Variants in SI observed in about 807,000 individuals in gnomAD.
SI encodes sucrase-isomaltase, intestinal.
SI carries 235 observed loss-of-function variants against 253.3 expected under a neutral mutation model. The observed-to-expected ratio is 0.93, with a 90% confidence interval of 0.83 to 1.03. SI has a LOEUF of 1.03. Ranked by LOEUF, SI falls within the 50% of genes least tolerant of loss-of-function variation. SI has a pLI of 0.00. For synonymous variants in SI, 819 were observed against 712.0 expected (o/e 1.15, Z -2.39); for missense variants, 2,442 against 2,211.1 (o/e 1.10, Z -2.09).
At chr3:164,991,059 G>T (rs981304567) in intron 44 of SI, among the ~76,000 whole-genome samples, 8 of 152,012 alleles carry the variant, frequency 5.3e-5, no homozygotes, top group African/African-American at 1.9e-4. Context: ...CTAAACCTGG[G>T]GTTCCTTATT....
chr3:165,069,287 A>C, intron 3 of SI, 92 bp from the exon 4 acceptor site: 1 of 914,724 alleles, frequency 1.1e-6, no homozygotes, highest in Non-Finnish European at 1.8e-6. Context: ...TTTTAAAATA[A>C]TCTAACTTTT....
At chr3:165,048,909 A>C (rs1464924691) in intron 15 of SI, among the ~76,000 whole-genome samples, 1 of 151,892 alleles carries the variant, frequency 6.6e-6, no homozygotes, top group East Asian at 1.9e-4. Context: ...GAGCCACTGC[A>C]CCCAGCCTAC....
chr3:165,078,694 T>C (rs1213866400), upstream of SI, among the ~76,000 whole-genome samples: 1 of 151,658 alleles, frequency 6.6e-6, no homozygotes, highest in African/African-American at 2.4e-5. Flanking sequence ...CTCTTTGATT[T>C]CTCAAAGCTG....
At chr3:165,073,761 A>G (rs1428322548) in intron 3 of SI, among the ~76,000 whole-genome samples, 10 of 152,176 alleles carry the variant, frequency 6.6e-5, no homozygotes, top group African/African-American at 4.8e-5. Context: ...AAAAAACAAT[A>G]CATTATAACA....
At chr3:165,007,114 A>G (rs1442386838) in intron 36 of SI, among the ~76,000 whole-genome samples, 160 bp from the exon 37 acceptor site, 2 of 152,172 alleles carry the variant, frequency 1.3e-5, no homozygotes, top group Non-Finnish European at 2.9e-5. Flanking sequence ...GTTAATTATC[A>G]ACTTAAAATG....
chr3:164,980,807 G>A (rs1333304836), intron 47 of SI, among the ~76,000 whole-genome samples: 1 of 151,812 alleles, frequency 6.6e-6, no homozygotes, highest in African/African-American at 2.4e-5. Context: ...TATCTTATTT[G>A]GCATTGTTTA....
chr3:165,067,628 C>T (rs1714316006), intron 5 of SI, 137 bp from the exon 6 acceptor site: 1 of 728,842 alleles, frequency 1.4e-6, no homozygotes, highest in Non-Finnish European at 2.3e-6. Context: ...AATTCAGAAC[C>T]TTAATTTTAA....
At chr3:165,081,257 T>A (rs1715311956), upstream of SI, among the ~76,000 whole-genome samples, 1 of 151,920 alleles carries the variant, frequency 6.6e-6, no homozygotes, top group African/African-American at 2.4e-5. Context: ...TAATATAAAG[T>A]TGTCCAAAAA....
At chr3:165,071,923 T>G in intron 3 of SI, among the ~76,000 whole-genome samples, 1 of 152,174 alleles carries the variant, frequency 6.6e-6, no homozygotes, top group Admixed American at 6.6e-5. Context: ...AATTTTGTTA[T>G]GGCAGCCCGA....
chr3:165,016,958 CTT>C (rs1401668251), intron 31 of SI, among the ~76,000 whole-genome samples: 1 of 151,798 alleles, frequency 6.6e-6, no homozygotes, highest in Non-Finnish European at 1.5e-5. Context: ...AGAATAAACT[CTT>C]ATATATCAAG....
At chr3:165,080,669 G>T (rs1157789603), upstream of SI, among the ~76,000 whole-genome samples, 1 of 151,884 alleles carries the variant, frequency 6.6e-6, no homozygotes, top group Non-Finnish European at 1.5e-5. Context: ...ACCAAACACT[G>T]CATGTTCTCA....
At chr3:165,060,870 T>A (rs111818033) in intron 9 of SI, among the ~76,000 whole-genome samples, 4,507 of 145,242 alleles carry the variant, frequency 0.031, 88 homozygotes, top group African/African-American at 0.056. Context: ...TAAAAAAAAA[T>A]ATATATATAT....
intron 6 of SI, among the ~76,000 whole-genome samples, chr3:165,066,567 C>A (rs921508707): frequency 6.6e-6 from 1 of 151,600 alleles, no homozygotes; most frequent in East Asian, 1.9e-4. Flanking sequence ...ATCCTTTGAC[C>A]AACATCTCCC....
At chr3:165,080,617 C>A (rs1445933326), upstream of SI, among the ~76,000 whole-genome samples, 1 of 151,902 alleles carries the variant, frequency 6.6e-6, no homozygotes, top group Non-Finnish European at 1.5e-5. Context: ...ATGGATGAAG[C>A]TGGAAACCAT....
upstream of SI, among the ~76,000 whole-genome samples, chr3:165,079,348 G>A (rs1315353436): frequency 1.3e-5 from 2 of 151,518 alleles, no homozygotes; most frequent in Non-Finnish European, 3.0e-5. Context: ...CAGAGTCTAA[G>A]CCTTGCATAC....
At chr3:165,046,366 T>G (rs1261816573) in intron 16 of SI, among the ~76,000 whole-genome samples, 1 of 149,820 alleles carries the variant, frequency 6.7e-6, no homozygotes, top group African/African-American at 2.4e-5. Flanking sequence ...CTACAATTCC[T>G]AGTACACATT....
In SI at chr3:165,067,578, AT is replaced by A. The variant is rs944185509; in HGVS notation, c.484-88del. 2.5e-6 allele frequency: 3 copies of A among 1,186,158 alleles called. No homozygotes were observed. In the African/African-American group the frequency reaches 4.6e-5, roughly 18 times the overall value. 73.5% of individuals were successfully genotyped at this position (1,186,158 alleles called of 1,614,324 possible). On this transcript the variant is annotated intron_variant, in intron 5 of 47. Coordinates refer to ENST00000264382, the MANE Select transcript of SI (RefSeq NM_001041.4). The stretch of plus-strand genomic sequence containing the variant: ...CTGAATTATTAAATGCAAGTTCCAA[AT>A]AAAAAATAACGTGGTGATTAGTTTC...
chr3:165,032,550 G>C lies in SI; in HGVS notation c.2708C>G (p.Ser903Cys). 6.2e-7 allele frequency: 1 copy of C among 1,608,124 alleles called. No individual in the cohort carries two copies. Among genetic ancestry groups the C allele is most frequent in the East Asian group, 2.2e-5 (1 of 44,632 alleles). ...GTTAGAAGCATCATAAGTGAAATTG[G>C]AATGAGCGTTCATTGGTTGATTATT... ...AENNQPMNAH[S>C]NFTYDASNQV... Residue 903 changes from serine to cysteine, a missense_variant, in exon 24 of 48, where the codon TCC (serine) becomes TGC (cysteine). Ser to Cys is a moderately radical substitution (Grantham distance 112, BLOSUM62 -1). Coordinates refer to ENST00000264382, the MANE Select transcript of SI (RefSeq NM_001041.4).
chr3:165,064,396 G>C (rs570104552), intron 7 of SI, among the ~76,000 whole-genome samples: 73 of 152,198 alleles, frequency 4.8e-4, no homozygotes, highest in Non-Finnish European at 9.9e-4. Context: ...TAGTGATGCT[G>C]CAAACAGAGA....
Sources: gnomAD v4.1 joint callset for allele counts (sites outside exome capture counted in the v4.1 genomes callset) on GRCh38, gnomAD v4.1.1 for gene constraint, MANE v1.5 for transcripts, NCBI Gene and HGNC (gene_info 2026-07-23, HGNC 2026-07-21) for gene names.